EED: variants seen among roughly 807,000 people sequenced by gnomAD.
EED encodes the protein embryonic ectoderm development, also known as polycomb protein EED.
A neutral mutation model predicts 61.0 loss-of-function variants in EED; 9 were observed. That is an observed-to-expected ratio of 0.15 (90% CI 0.09 to 0.26). The LOEUF is 0.26. EED is among the 10% of genes least tolerant of loss of function. The pLI, the probability that EED is intolerant of heterozygous loss-of-function variation, is 1.00. For missense variants in EED, 315 were observed against 542.3 expected (o/e 0.58, Z 4.16); for synonymous variants, 187 against 174.4 (o/e 1.07, Z -0.57).
intron 6 of EED, 54 bp downstream of exon 6, chr11:86,257,650 A>C: frequency 6.9e-7 from 1 of 1,452,376 alleles, no homozygotes; most frequent in Non-Finnish European, 9.5e-7. Flanking sequence ...ATTAAGATGG[A>C]GTCACTAATG....
chr11:86,264,150 A>G (rs1437761378), intron 6 of EED, 22 bp from the exon 7 acceptor site: 2 of 1,578,488 alleles, frequency 1.3e-6, no homozygotes, highest in Non-Finnish European at 1.7e-6. Context: ...ACATTCGCCT[A>G]ATTTTTGTAT....
chr11:86,250,512 C>CTT (rs958908730), intron 2 of EED, 64 bp downstream of exon 2: 1 of 1,411,080 alleles, frequency 7.1e-7, no homozygotes, highest in African/African-American at 1.5e-5. Context: ...CTCTGTGGCA[C>CTT]GCATTTCGTA....
chr11:86,252,808 T>C (rs1945569836), intron 3 of EED, among the ~76,000 whole-genome samples: 2 of 152,172 alleles, frequency 1.3e-5, no homozygotes, highest in South Asian at 2.1e-4. Flanking sequence ...TCCTCCAGGA[T>C]GGAGTGCAGT....
chr11:86,277,175 T>A, intron 10 of EED, 37 bp downstream of exon 10: 1 of 1,510,774 alleles, frequency 6.6e-7, no homozygotes, highest in Non-Finnish European at 9.0e-7. Flanking sequence ...ATGATCTGAC[T>A]TATGAAAGAC....
rs191620676 is a variant in EED at position 86,277,856 on chromosome 11, T to G, written c.1126-62T>G. ...AACAAGAAAGCTGTCTGAGGATTCCTCCAATGCTTTAGAACCTGGTAATTT... is the reference window on the plus strand; with the variant it reads ...AACAAGAAAGCTGTCTGAGGATTCCGCCAATGCTTTAGAACCTGGTAATTT... On this transcript the variant is annotated intron_variant, in intron 10 of 11. Coordinates refer to ENST00000263360, the MANE Select transcript of EED (RefSeq NM_003797.5). The G allele has an allele frequency of 2.7e-6, 4 of 1,456,448 alleles. No homozygotes were observed. The African/African-American group carries it at 6.0e-5, about 22-fold the overall frequency. The allele number at this position is 1,456,448 out of a possible 1,614,324, so 90.2% of individuals were successfully genotyped here. A position where few individuals can be genotyped will look rare whatever the true frequency, so the allele number is the denominator to read the frequency against.
intron 4 of EED, among the ~76,000 whole-genome samples, chr11:86,255,747 T>C (rs146753383): frequency 1.3e-3 from 193 of 151,708 alleles, no homozygotes; most frequent in African/African-American, 4.5e-3. Context: ...AAATAAAATA[T>C]ATAAAAATAA....
chr11:86,263,967 G>A (rs1476293383), intron 6 of EED: 9 of 519,262 alleles, frequency 1.7e-5, no homozygotes, highest in Non-Finnish European at 2.1e-5. Flanking sequence ...ACATGCTTTT[G>A]GGGGGGCCTA....
At chr11:86,267,024 T>G (rs576350721) in intron 8 of EED, among the ~76,000 whole-genome samples, 5 of 152,306 alleles carry the variant, frequency 3.3e-5, no homozygotes, top group African/African-American at 1.2e-4. Context: ...TTATTAAAAG[T>G]TTTACCTTTC....
At chr11:86,260,516 A>ACTGCACCTGGC (rs6144421) in intron 6 of EED, among the ~76,000 whole-genome samples, 106,739 of 151,682 alleles carry the variant, frequency 0.7, 38,032 homozygotes, top group Non-Finnish European at 0.78. Context: ...GGTGTGAGCT[A>ACTGCACCTGGC]CTGCTGTACA....
intron 2 of EED, among the ~76,000 whole-genome samples, chr11:86,251,115 CA>C (rs1945520464): frequency 6.6e-6 from 1 of 151,994 alleles, no homozygotes; most frequent in Non-Finnish European, 1.5e-5. Flanking sequence ...TGTATTATCT[CA>C]TACATATGTA....
rs747804791 is a variant in EED, at chr11:86,278,575, T to C, written c.*50T>C. The C allele has an allele frequency of 1.9e-5, 30 of 1,597,384 alleles. No homozygotes were observed. In the East Asian group the frequency reaches 2.2e-4, roughly 12 times the overall value. On this transcript the variant is annotated 3_prime_UTR_variant, in exon 12 of 12. Transcript: ENST00000263360. Reference sequence around the variant, plus strand: ...GAGTGTGTTTGTTGTCTGTGTAAAATAGAATTAATGTATCTTGCTAGTAAG... The same window carrying C: ...GAGTGTGTTTGTTGTCTGTGTAAAACAGAATTAATGTATCTTGCTAGTAAG...
chr11:86,276,387 C>A (rs547954243), intron 9 of EED: 1 of 152,152 alleles, frequency 6.6e-6, no homozygotes. Flanking sequence ...TACTTGCCTT[C>A]GATTGCCCTA....
At chr11:86,269,954 C>T in intron 9 of EED, 1 of 559,296 alleles carries the variant, frequency 1.8e-6, no homozygotes, top group Non-Finnish European at 3.2e-6. Context: ...AGCTGCTAAT[C>T]AGCAGTTGTG....
chr11:86,260,636 C>T (rs1945803890), intron 6 of EED, among the ~76,000 whole-genome samples: 1 of 152,140 alleles, frequency 6.6e-6, no homozygotes, highest in Non-Finnish European at 1.5e-5. Context: ...ATGTTTTCAG[C>T]TTACTGTAAA....
intron 3 of EED, among the ~76,000 whole-genome samples, chr11:86,254,970 A>G (rs953089280): frequency 6.6e-6 from 1 of 152,236 alleles, no homozygotes; most frequent in African/African-American, 2.4e-5. Context: ...TGCCTAGGCA[A>G]TTGAATGGAT....
intron 6 of EED, among the ~76,000 whole-genome samples, chr11:86,261,703 C>T (rs1179744521): frequency 2.0e-5 from 3 of 152,362 alleles, no homozygotes; most frequent in Admixed American, 6.5e-5. Flanking sequence ...AGACTTAACA[C>T]CACATGGACA....
At chr11:86,245,388 T>C (rs1945367166) in intron 1 of EED, 45 bp downstream of exon 1, 19 of 1,464,506 alleles carry the variant, frequency 1.3e-5, no homozygotes, top group Non-Finnish European at 1.8e-5. Context: ...AGTGAAAGTT[T>C]TAAATTCTTT....
intron 2 of EED, among the ~76,000 whole-genome samples, chr11:86,251,264 A>T (rs531929771): frequency 6.6e-6 from 1 of 152,288 alleles, no homozygotes; most frequent in Non-Finnish European, 1.5e-5. Flanking sequence ...TTGCTCCTGT[A>T]AAAGGAGAGA....
chr11:86,248,186 G>T (rs568225245), intron 1 of EED, among the ~76,000 whole-genome samples: 1 of 152,226 alleles, frequency 6.6e-6, no homozygotes, highest in East Asian at 1.9e-4. Flanking sequence ...TAGGATGGAG[G>T]TCACCCTGTA....
Sources: allele counts gnomAD v4.1 joint callset (sites outside exome capture counted in the v4.1 genomes callset), GRCh38; gene constraint gnomAD v4.1.1; transcripts MANE v1.5; gene names NCBI Gene and HGNC (gene_info 2026-07-23, HGNC 2026-07-21).